Variants in CAPN13 observed in about 807,000 individuals in gnomAD.
CAPN13 encodes calpain-13.
A neutral mutation model predicts 98.4 loss-of-function variants in CAPN13; 90 were observed. That is an observed-to-expected ratio of 0.92 (90% CI 0.77 to 1.09). The LOEUF (loss-of-function observed/expected upper bound fraction) is 1.09, where lower values mean the gene tolerates loss of function less well. Ranked by LOEUF, CAPN13 falls within the 50% of genes least tolerant of loss-of-function variation. The pLI is 0.00. For synonymous variants in CAPN13, 330 were observed against 305.5 expected (o/e 1.08, Z -0.84); for missense variants, 887 against 841.3 (o/e 1.05, Z -0.67).
At position 30,736,534 on chromosome 2, in the gene CAPN13, G is replaced by A. The variant is rs368117047; in HGVS notation, c.1691C>T (p.Ala564Val). ...VNGRLDQEEF[A>V]RLWKRLVHYQ... is the part of the protein sequence containing the mutation. ...GTGAACAAGGCGCTTCCACAGTCGCGCAAACTCCTCTTGGTCTAGCCGCCC... is the reference window on the plus strand; with the variant it reads ...GTGAACAAGGCGCTTCCACAGTCGCACAAACTCCTCTTGGTCTAGCCGCCC... Residue 564 changes from alanine to valine, a missense_variant, in exon 18 of 23, where the codon GCG becomes GTG. By Grantham distance (64) the Ala-to-Val change is moderately conservative (BLOSUM62 0). Transcript: ENST00000295055. 301 of 1,613,824 alleles carry A rather than the reference G, an allele frequency of 1.9e-4. 2 individuals carry two copies. Among genetic ancestry groups the A allele is most frequent in the Non-Finnish European group, 2.2e-4 (261 of 1,179,878 alleles).
At chr2:30,759,454 A>C (rs1365408696) in intron 7 of CAPN13, among the ~76,000 whole-genome samples, 1 of 152,154 alleles carries the variant, frequency 6.6e-6, no homozygotes. Flanking sequence ...AATATGACTG[A>C]GCTGTAGCTG....
chr2:30,765,563 C>T (rs975948202), intron 5 of CAPN13, among the ~76,000 whole-genome samples: 4 of 152,168 alleles, frequency 2.6e-5, no homozygotes, highest in Non-Finnish European at 5.9e-5. Flanking sequence ...TGGACAAGAC[C>T]CTTCCCCTCC....
chr2:30,738,685 GTGA>G (rs1212155138), intron 15 of CAPN13, among the ~76,000 whole-genome samples: 10 of 152,170 alleles, frequency 6.6e-5, no homozygotes, highest in Admixed American at 6.5e-4. Context: ...CCTGGTGTGG[GTGA>G]CCTTGCATTC....
chr2:30,747,438 G>A (rs575109596), intron 11 of CAPN13, among the ~76,000 whole-genome samples: 6 of 152,186 alleles, frequency 3.9e-5, no homozygotes, highest in African/African-American at 4.8e-5. Flanking sequence ...CCTCTTAGCC[G>A]ACTTCTCTGG....
At chr2:30,752,953 G>C (rs1167435636) in intron 10 of CAPN13, 100 bp downstream of exon 10, 2 of 1,303,350 alleles carry the variant, frequency 1.5e-6, no homozygotes, top group East Asian at 2.3e-5. Context: ...TCAGGCTCAT[G>C]GTCCAGAATC....
chr2:30,750,721 T>C (rs1043306180), intron 11 of CAPN13, among the ~76,000 whole-genome samples: 1 of 152,208 alleles, frequency 6.6e-6, no homozygotes, highest in East Asian at 1.9e-4. Flanking sequence ...CTTATGAAAA[T>C]GCAGATTTTC....
At chr2:30,742,234 G>A (rs997868006) in intron 14 of CAPN13, 92 bp downstream of exon 14, 1 of 1,406,312 alleles carries the variant, frequency 7.1e-7, no homozygotes, top group African/African-American at 1.4e-5. Context: ...CATTGGTTGG[G>A]GGCAGCGGGA....
In CAPN13 at chr2:30,787,209, T is replaced by C; in HGVS notation, c.117A>G (p.Thr39=). 1.2e-6 allele frequency: 2 copies of C among 1,607,840 alleles called. No individual in the cohort carries two copies. The highest frequency in any genetic ancestry group is 2.2e-5 in the South Asian group (2 of 89,156). The change falls in exon 2 of 23, where the codon ACA becomes ACG. Residue 39 remains threonine (T), a synonymous_variant. Transcript: ENST00000295055. ...CTATGGAAGAATCTGCTGCAGGGAATGTCTCATCCTTAAACGTCCGGCCCA... is the reference window on the plus strand; with the variant it reads ...CTATGGAAGAATCTGCTGCAGGGAACGTCTCATCCTTAAACGTCCGGCCCA... ...LSMGRTFKDE[T]FPAADSSIGQ...
intron 9 of CAPN13, 103 bp downstream of exon 9, chr2:30,754,187 C>A (rs1435203628): frequency 7.5e-6 from 7 of 932,422 alleles, no homozygotes; most frequent in Middle Eastern, 4.5e-4. Flanking sequence ...CAGGTCTCTG[C>A]AAAGCTATTT....
chr2:30,782,939 G>A (rs1355621192), intron 2 of CAPN13, among the ~76,000 whole-genome samples: 1 of 152,102 alleles, frequency 6.6e-6, no homozygotes, highest in African/African-American at 2.4e-5. Flanking sequence ...TCCCTCAGTT[G>A]CATCAGTCAC....
intron 10 of CAPN13, among the ~76,000 whole-genome samples, chr2:30,752,035 A>G (rs1572816646): frequency 6.6e-6 from 1 of 152,204 alleles, no homozygotes; most frequent in African/African-American, 2.4e-5. Flanking sequence ...TGGCCCTATA[A>G]TCAGAGAGGT....
At chr2:30,757,713 C>G (rs72783029) in intron 8 of CAPN13, among the ~76,000 whole-genome samples, 18,330 of 152,190 alleles carry the variant, frequency 0.12, 1,298 homozygotes, top group East Asian at 0.24. Context: ...CCTTGCCTCC[C>G]GCCACTTTTA....
intron 19 of CAPN13, among the ~76,000 whole-genome samples, chr2:30,733,357 A>C (rs1343553199): frequency 7.5e-6 from 1 of 133,352 alleles, no homozygotes; most frequent in African/African-American, 2.9e-5. Context: ...CTGTTTTCTG[A>C]CTGTGAGCTC....
chr2:30,800,141 A>AAAGAAAGAAAGAAAGAAAGT (rs1675156520), intron 1 of CAPN13, among the ~76,000 whole-genome samples: 2 of 146,422 alleles, frequency 1.4e-5, no homozygotes, highest in African/African-American at 5.3e-5. Context: ...AGAAAGAAAG[A>AAAGAAAGAAAGAAAGAAAGT]AAGAAAGAAA....
At chr2:30,760,769 G>A (rs977293157) in intron 7 of CAPN13, among the ~76,000 whole-genome samples, 16 of 152,132 alleles carry the variant, frequency 1.1e-4, no homozygotes, top group African/African-American at 2.4e-4. Flanking sequence ...ATTGGCGCTC[G>A]CATGGGCCTT....
chr2:30,800,157 A>AAAGAAAGAAAGAAAGAAAGAAAGAAAGT (rs1675170896), intron 1 of CAPN13, among the ~76,000 whole-genome samples: 2 of 150,376 alleles, frequency 1.3e-5, no homozygotes, highest in African/African-American at 4.9e-5. Flanking sequence ...AGAAAGAAAG[A>AAAGAAAGAAAGAAAGAAAGAAAGAAAGT]AAGAAAGAAA....
At position 30,789,894 on chromosome 2, in the gene CAPN13, C is replaced by T. The variant is rs564106951; in HGVS notation, c.-32-2537G>A. Among the ~76,000 whole-genome samples, 7 of 152,332 alleles carry T rather than the reference C, an allele frequency of 4.6e-5. No homozygotes were observed. In the South Asian group the frequency reaches 1.5e-3, roughly 32 times the overall value. On this transcript the variant is annotated intron_variant, in intron 1 of 22. Transcript: ENST00000295055. ...CTTGCAGGGTGAGGACCAGGATGGT[C>T]AGTCAGACCTGGGCCCTGGGCTCTG...
intron 1 of CAPN13, among the ~76,000 whole-genome samples, chr2:30,801,397 C>T (rs1054786940): frequency 1.3e-5 from 2 of 151,506 alleles, no homozygotes; most frequent in South Asian, 2.1e-4. Flanking sequence ...GGGTGGATCA[C>T]GAGGTCAGGA....
intron 1 of CAPN13, among the ~76,000 whole-genome samples, chr2:30,789,434 G>T (rs1251676829): frequency 6.6e-6 from 1 of 152,172 alleles, no homozygotes; most frequent in Non-Finnish European, 1.5e-5. Flanking sequence ...ACAATTATGG[G>T]ATTGCCTGTA....
Sources: gnomAD v4.1 joint callset for allele counts (sites outside exome capture counted in the v4.1 genomes callset) on GRCh38, gnomAD v4.1.1 for gene constraint, MANE v1.5 for transcripts, NCBI Gene and HGNC (gene_info 2026-07-23, HGNC 2026-07-21) for gene names.